The following PSG4 variants were observed in gnomAD, a reference collection of about 807,000 sequenced individuals.
The protein encoded by PSG4 is pregnancy-specific beta-1-glycoprotein 4.
A neutral mutation model predicts 44.3 loss-of-function variants in PSG4; 61 were observed. The ratio of observed to expected loss-of-function variants is 1.38; its 90% CI spans 1.12 to 1.70. The LOEUF (loss-of-function observed/expected upper bound fraction) is 1.70. Among genes scored for constraint, PSG4 ranks in the 40% most tolerant of loss-of-function variants. The pLI is 0.00. For synonymous variants in PSG4, 248 were observed against 191.3 expected (o/e 1.30, Z -2.45); for missense variants, 677 against 511.7 (o/e 1.32, Z -3.12).
At chr19:43,195,434 G>A (rs1310176193) in intron 3 of PSG4, among the ~76,000 whole-genome samples, 161 bp from the exon 4 acceptor site, 1 of 151,446 alleles carries the variant, frequency 6.6e-6, no homozygotes, top group Non-Finnish European at 1.5e-5. Context: ...GATGATCTAA[G>A]GGCTCAAAGA....
chr19:43,194,773 T>C, intron 4 of PSG4, 179 bp from the exon 5 acceptor site: 1 of 1,416,488 alleles, frequency 7.1e-7, no homozygotes, highest in Non-Finnish European at 9.5e-7. Flanking sequence ...CATCACAAGT[T>C]TTAGGCCCCA....
Position 43,194,368 on chromosome 19 carries a change from G to T in PSG4, c.1215C>A (p.Ser405Arg). 5 of 1,612,488 alleles carry T rather than the reference G, an allele frequency of 3.1e-6. No individual in the cohort carries two copies. The South Asian group carries it at 5.5e-5, about 18-fold the overall frequency. The change falls in exon 5 of 6, where the codon AGC (serine) becomes AGA (arginine). Residue 405 changes from serine (S) to arginine (R), a missense_variant. By Grantham distance (110) the Ser-to-Arg change is moderately radical (BLOSUM62 -1). Coordinates refer to ENST00000405312, the MANE Select transcript of PSG4 (RefSeq NM_002780.5). Reference sequence around the variant, plus strand: ...AGACTTTGACTGTGATGGATTTGGAGCTTTCCTTGCCAGTGGCTGAGTTAC... The same window carrying T: ...AGACTTTGACTGTGATGGATTTGGATCTTTCCTTGCCAGTGGCTGAGTTAC... The part of the protein sequence containing the change: ...SVRNSATGKE[S>R]SKSITVKVSD...
At chr19:43,202,570 G>T (rs1967563508) in intron 2 of PSG4, among the ~76,000 whole-genome samples, 1 of 144,428 alleles carries the variant, frequency 6.9e-6, no homozygotes, top group African/African-American at 2.7e-5. Flanking sequence ...TCTCTCGCTG[G>T]GCCTGTGCTG....
chr19:43,194,499 C>A lies in PSG4; in HGVS notation c.1084G>T (p.Ala362Ser). The A allele has an allele frequency of 6.2e-7, 1 of 1,612,442 alleles. No individual in the cohort carries two copies. Among genetic ancestry groups the A allele is most frequent in the South Asian group, 1.1e-5 (1 of 91,030 alleles). Residue 362 changes from alanine to serine, a missense_variant, in exon 5 of 6, where the codon GCA (alanine) becomes TCA (serine). Physicochemically the swap from Ala to Ser is moderately conservative, Grantham distance 99 (BLOSUM62 1). Coordinates refer to ENST00000405312, the MANE Select transcript of PSG4 (RefSeq NM_002780.5). ...CCATTAATTGTCCAAGAATATTGTG[C>A]CCGTGGGTTAGACTCGGCGAAGCAG... is the stretch of plus-strand genomic sequence containing the variant. ...LSCFAESNPR[A>S]QYSWTINGKF...
At chr19:43,203,860 C>A (rs374593578) in intron 2 of PSG4, 26 bp downstream of exon 2, 2 of 1,571,376 alleles carry the variant, frequency 1.3e-6, no homozygotes, top group South Asian at 2.3e-5. Flanking sequence ...TCCCCCAACA[C>A]CCAGGGATCA....
intron 4 of PSG4, 47 bp downstream of exon 4, chr19:43,194,948 G>A: frequency 1.3e-6 from 2 of 1,599,902 alleles, no homozygotes; most frequent in South Asian, 2.2e-5. Context: ...CTGGTGGTTT[G>A]GATTTAAGCT....
chr19:43,194,287 C>A, intron 5 of PSG4, 53 bp downstream of exon 5: 3 of 1,611,048 alleles, frequency 1.9e-6, no homozygotes, highest in Non-Finnish European at 2.5e-6. Flanking sequence ...TCCCTGAATG[C>A]CAGATAGACT....
In PSG4 at chr19:43,193,052, G is replaced by A; in HGVS notation, c.*320C>T. The stretch of plus-strand genomic sequence containing the variant: ...TAATGACTGCATTATCCTGCCAAGT[G>A]AAAGAGGCAGGCATGAGCAAGGACG... On this transcript the variant is annotated 3_prime_UTR_variant, in exon 6 of 6. Coordinates refer to ENST00000405312, the MANE Select transcript of PSG4 (RefSeq NM_002780.5). 2 of 587,372 alleles carry A rather than the reference G, an allele frequency of 3.4e-6. 1 individual carries two copies. 36.4% of individuals were successfully genotyped at this position (587,372 alleles called of 1,614,324 possible).
At chr19:43,196,499 C>T (rs1010981543) in intron 3 of PSG4, 5 of 151,576 alleles carry the variant, frequency 3.3e-5, no homozygotes, top group African/African-American at 1.2e-4. Flanking sequence ...AAATATTTGT[C>T]ATATGCTTAC....
rs1041664960 is a variant in PSG4, at chr19:43,192,814, G to A, written c.*558C>T. ...ATCCACACAATGTGCATTTAAAGGA[G>A]ACTCTACTATAATTTCAGCTTTCCT... On this transcript the variant is annotated 3_prime_UTR_variant, in exon 6 of 6. Transcript: ENST00000405312. The A allele has an allele frequency of 8.6e-5, 18 of 208,126 alleles. No individual in the cohort carries two copies. Among genetic ancestry groups the A allele is most frequent in the Non-Finnish European group, 1.6e-4 (16 of 102,834 alleles). 12.9% of individuals were successfully genotyped at this position (208,126 alleles called of 1,614,324 possible).
intron 4 of PSG4, 124 bp from the exon 5 acceptor site, chr19:43,194,718 T>A: frequency 1.4e-6 from 2 of 1,476,326 alleles, no homozygotes; most frequent in South Asian, 1.4e-5. Context: ...CCAAACTCCC[T>A]CTATGTTCAC....
At chr19:43,193,450 A>C (rs1967095681) in intron 5 of PSG4, 62 bp from the exon 6 acceptor site, 1 of 764,638 alleles carries the variant, frequency 1.3e-6, no homozygotes, top group Non-Finnish European at 2.4e-6. Flanking sequence ...TAACCGGTGT[A>C]CTACAGTTTT....
intron 2 of PSG4, chr19:43,198,963 A>G (rs1225763493): frequency 4.1e-5 from 6 of 147,044 alleles, no homozygotes; most frequent in Admixed American, 3.4e-4. Flanking sequence ...GGGACAGGCA[A>G]GAGCTGATAG....
chr19:43,200,283 A>C lies in PSG4; in HGVS notation c.431-2008T>G, dbSNP rs557021140. 5.5e-5 allele frequency among the ~76,000 whole-genome samples: 8 copies of C among 145,052 alleles called. 1 individual carries two copies. The highest frequency in any genetic ancestry group is 2.1e-4 in the African/African-American group (8 of 37,682). On this transcript the variant is annotated intron_variant, in intron 2 of 5. Coordinates refer to ENST00000405312, the MANE Select transcript of PSG4 (RefSeq NM_002780.5). ...ATGTGGCACAGGCAGTAAAACCATC[A>C]GATAGCACCCACCTGGTCACCTCCA...
In PSG4 at chr19:43,203,964, C is replaced by T. The variant is rs1425175585; in HGVS notation, c.352G>A (p.Gly118Arg). The T allele has an allele frequency of 6.3e-7, 1 of 1,587,536 alleles. No individual in the cohort carries two copies. The highest frequency in any genetic ancestry group is 1.7e-5 in the Admixed American group (1 of 58,360). Residue 118 changes from glycine (G) to arginine (R), a missense_variant, in exon 2 of 6, where the codon GGA becomes AGA. By Grantham distance (125) the Gly-to-Arg change is moderately radical. Transcript: ENST00000405312. The stretch of plus-strand genomic sequence containing the variant: ...TTTATGATGTGTAAGGTGTAGGATC[C>T]TGCATCCTCCTGCGTGACATTCTGG... Reference protein sequence around the residue: ...LIQNVTQEDAGSYTLHIIKRR... With the variant: ...LIQNVTQEDARSYTLHIIKRR...
intron 2 of PSG4, chr19:43,198,682 A>G (rs1457732142): frequency 1.0e-5 from 2 of 198,556 alleles, no homozygotes; most frequent in Non-Finnish European, 2.0e-5. Flanking sequence ...TTTTCTCTGC[A>G]GCTTCCCTTT....
At chr19:43,194,840 A>G in intron 4 of PSG4, 155 bp downstream of exon 4, 2 of 1,485,904 alleles carry the variant, frequency 1.3e-6, no homozygotes, top group East Asian at 2.3e-5. Context: ...GGCTGTGCCT[A>G]CCTAGGTTTT....
Position 43,201,612 on chromosome 19 carries a change from G to A in PSG4, c.430+2274C>T, listed in dbSNP as rs28630546. Among the ~76,000 whole-genome samples the A allele has an allele frequency of 7.7e-5, 11 of 143,488 alleles. 3 individuals carry two copies. The highest frequency in any genetic ancestry group is 2.2e-4 in the African/African-American group (8 of 37,048). The allele number at this position is 143,488 out of a possible 152,430, so 94.1% of individuals were successfully genotyped here. ...AAGCACAAACAGATCATTTCCCTCC[G>A]CCCGCATGATTCCATCACCAAACAA... On this transcript the variant is annotated intron_variant, in intron 2 of 5. Transcript: ENST00000405312.
In PSG4 at chr19:43,198,067, T is replaced by C. The variant is rs756206359; in HGVS notation, c.639A>G (p.Gly213=). The part of the protein sequence containing the change: ...FIFGVTKYIA[G]PYECEIRNPV... ...GGTTCCGTATTTCACATTCATAGGGTCCTGCAATATACTTTGTGACACCAA... is the reference window on the plus strand; with the variant it reads ...GGTTCCGTATTTCACATTCATAGGGCCCTGCAATATACTTTGTGACACCAA... Residue 213 remains glycine, a synonymous_variant, in exon 3 of 6, where the codon GGA becomes GGG. Coordinates refer to ENST00000405312, the MANE Select transcript of PSG4 (RefSeq NM_002780.5). 4.4e-6 allele frequency: 7 copies of C among 1,587,680 alleles called. No individual in the cohort carries two copies. The highest frequency in any genetic ancestry group is 4.3e-6 in the Non-Finnish European group (5 of 1,171,932).
Sources: allele counts gnomAD v4.1 joint callset (sites outside exome capture counted in the v4.1 genomes callset), GRCh38; gene constraint gnomAD v4.1.1; transcripts MANE v1.5; gene names NCBI Gene and HGNC (gene_info 2026-07-23, HGNC 2026-07-21).